REPS2: variants seen among roughly 807,000 people sequenced by gnomAD.
The protein encoded by REPS2 is RALBP1 associated Eps domain containing 2, also known as ralBP1-associated Eps domain-containing protein 2.
A neutral mutation model predicts 53.6 loss-of-function variants in REPS2; 23 were observed. The observed-to-expected ratio is 0.43, with a 90% CI of 0.31 to 0.61. The LOEUF (loss-of-function observed/expected upper bound fraction) is 0.61. Ranked by LOEUF, REPS2 falls within the 20% of genes least tolerant of loss-of-function variation. The pLI is 0.11. For synonymous variants in REPS2, 238 were observed against 218.6 expected (o/e 1.09, Z -0.78); for missense variants, 446 against 534.9 (o/e 0.83, Z 1.64).
intron 14 of REPS2, among the ~76,000 whole-genome samples, chrX:17,123,267 G>A (rs2063164646): frequency 8.9e-6 from 1 of 111,959 alleles, no homozygotes; most frequent in Non-Finnish European, 1.9e-5. Flanking sequence ...TCTGCAGATG[G>A]TGTTATAATA....
At chrX:17,145,989 G>A (rs1248310875) in intron 17 of REPS2, among the ~76,000 whole-genome samples, 4 of 108,703 alleles carry the variant, frequency 3.7e-5, no homozygotes, top group Non-Finnish European at 7.6e-5. Flanking sequence ...GGCGCCTGTA[G>A]TCCCAGCTAC....
At chrX:17,049,021 G>A (rs1327945346) in intron 6 of REPS2, among the ~76,000 whole-genome samples, 2 of 110,441 alleles carry the variant, frequency 1.8e-5, no homozygotes, top group Admixed American at 9.6e-5. Context: ...TCAGCCTCCC[G>A]AGTAGCTGGG....
chrX:17,195,632 T>G, the REPS2 span, among the ~76,000 whole-genome samples: 1 of 112,418 alleles, frequency 8.9e-6, no homozygotes, highest in African/African-American at 3.2e-5. Context: ...GAAATTGTCA[T>G]TAACACAAAT....
At chrX:17,031,803 C>T (rs754169974) in intron 5 of REPS2, among the ~76,000 whole-genome samples, 1 of 111,752 alleles carries the variant, frequency 8.9e-6, no homozygotes, top group Admixed American at 9.5e-5. Context: ...TGGAGGGAAC[C>T]GCATATACAA....
At chrX:17,026,180 AACATCTCTGAACCACGATT>A (rs1457398453) in intron 4 of REPS2, among the ~76,000 whole-genome samples, 1 of 111,973 alleles carries the variant, frequency 8.9e-6, no homozygotes, top group Non-Finnish European at 1.9e-5. Flanking sequence ...CAGGCCATTG[AACATCTCTGAACCACGATT>A]ACCTCTTCTC....
chrX:17,128,778 G>A (rs2063253190), intron 14 of REPS2, among the ~76,000 whole-genome samples: 1 of 112,803 alleles, frequency 8.9e-6, no homozygotes, highest in Non-Finnish European at 1.9e-5. Context: ...CACATCATGA[G>A]TGGCAGCACT....
chrX:17,025,455 T>C (rs773859558), intron 4 of REPS2, among the ~76,000 whole-genome samples: 40 of 112,385 alleles, frequency 3.6e-4, no homozygotes, highest in Admixed American at 1.1e-3. Flanking sequence ...CATATACAGA[T>C]TTTATTGAAT....
intron 9 of REPS2, among the ~76,000 whole-genome samples, chrX:17,063,793 A>G (rs957050875): frequency 3.6e-5 from 4 of 110,727 alleles, no homozygotes; most frequent in African/African-American, 6.6e-5. Context: ...GGATACATCT[A>G]TGGCTCTCTG....
At chrX:17,158,929 G>A in the REPS2 span, among the ~76,000 whole-genome samples, 1 of 112,130 alleles carries the variant, frequency 8.9e-6, no homozygotes, top group African/African-American at 3.2e-5. Flanking sequence ...TCAGTGAGGG[G>A]AAACAACAAT....
At chrX:17,075,029 G>C (rs111486660) in intron 12 of REPS2, among the ~76,000 whole-genome samples, 2,854 of 111,738 alleles carry the variant, frequency 0.026, 97 homozygotes, top group African/African-American at 0.089. Flanking sequence ...TAGTTTATAT[G>C]TGCATTTTCC....
In REPS2 at chrX:17,060,597, C is replaced by T. The variant is rs892590559; in HGVS notation, c.1115-1841C>T. Among the ~76,000 whole-genome samples the T allele has an allele frequency of 2.7e-5, 3 of 110,210 alleles. No individual in the cohort carries two copies. In the Admixed American group the frequency reaches 2.9e-4, roughly 11 times the overall value. On this transcript the variant is annotated intron_variant, in intron 8 of 17. Coordinates refer to ENST00000357277, the MANE Select transcript of REPS2 (RefSeq NM_004726.3). ...AAACGTTTGGGCTGAGATGTGAAGG[C>T]TGAGCTAAGGACTACATAGGTGAAG...
intron 2 of REPS2, among the ~76,000 whole-genome samples, chrX:17,019,038 C>G (rs956939749): frequency 9.0e-6 from 1 of 110,769 alleles, no homozygotes; most frequent in Non-Finnish European, 1.9e-5. Flanking sequence ...AACTGCTGGG[C>G]TCAAGTGATC....
At chrX:17,009,023 A>G (rs1054842922) in intron 2 of REPS2, among the ~76,000 whole-genome samples, 3 of 111,192 alleles carry the variant, frequency 2.7e-5, no homozygotes, top group African/African-American at 6.5e-5. Context: ...TGTGGCTCCA[A>G]TCTCACTCCC....
chrX:17,043,947 A>G (rs1178247803), intron 5 of REPS2, among the ~76,000 whole-genome samples: 1 of 112,306 alleles, frequency 8.9e-6, no homozygotes, highest in East Asian at 2.8e-4. Context: ...CTTACCCCTG[A>G]GGAGTGAGCA....
intron 17 of REPS2, among the ~76,000 whole-genome samples, chrX:17,142,709 G>A (rs1410009999): frequency 8.9e-6 from 1 of 112,025 alleles, no homozygotes; most frequent in African/African-American, 3.2e-5. Flanking sequence ...ACATCACCAA[G>A]TGCTGGCAAT....
chrX:17,115,805 T>C (rs1406702348), intron 14 of REPS2, among the ~76,000 whole-genome samples: 3 of 112,208 alleles, frequency 2.7e-5, no homozygotes, highest in African/African-American at 9.7e-5. Flanking sequence ...CGTTTAACCC[T>C]GAGTTGACAC....
chrX:16,947,183 C>CG (rs1482356804), intron 1 of REPS2, 49 bp downstream of exon 1: 23 of 970,154 alleles, frequency 2.4e-5, no homozygotes, highest in Non-Finnish European at 2.6e-5. Context: ...GCAGTGTGTG[C>CG]GGGGGCGGAG....
chrX:17,116,927 C>G (rs1396368175), intron 14 of REPS2, among the ~76,000 whole-genome samples: 2 of 112,141 alleles, frequency 1.8e-5, no homozygotes, highest in South Asian at 7.4e-4. Context: ...ATTCTCAGTT[C>G]TCTGAGCTCC....
intron 5 of REPS2, among the ~76,000 whole-genome samples, chrX:17,046,750 A>G (rs1261110345): frequency 8.9e-6 from 1 of 112,088 alleles, no homozygotes; most frequent in Non-Finnish European, 1.9e-5. Context: ...TTGTGGTACC[A>G]TAACAGCTGT....
Sources: allele counts gnomAD v4.1 joint callset (sites outside exome capture counted in the v4.1 genomes callset), GRCh38; gene constraint gnomAD v4.1.1; transcripts MANE v1.5; gene names NCBI Gene and HGNC (gene_info 2026-07-23, HGNC 2026-07-21).